ABCA8: variants seen among roughly 807,000 people sequenced by gnomAD.
ABCA8 encodes the protein ABC-type organic anion transporter ABCA8.
A neutral mutation model predicts 192.3 loss-of-function variants in ABCA8; 177 were observed. That is an observed-to-expected ratio of 0.92 (90% CI 0.81 to 1.04). The LOEUF is 1.04. Ranked by LOEUF, ABCA8 falls within the 50% of genes least tolerant of loss-of-function variation. ABCA8 has a pLI of 0.00. For synonymous variants in ABCA8, 642 were observed against 690.2 expected (o/e 0.93, Z 1.09); for missense variants, 1,915 against 1,904.8 (o/e 1.01, Z -0.10).
chr17:68,932,674 C>T (rs3744498), intron 6 of ABCA8, among the ~76,000 whole-genome samples, 160 bp from the exon 7 acceptor site: 89,376 of 152,014 alleles, frequency 0.59, 27,054 homozygotes, highest in African/African-American at 0.71. Context: ...GCTGGGACCT[C>T]GGAGTCCAGG....
At chr17:68,932,979 C>T (rs910315707) in intron 6 of ABCA8, among the ~76,000 whole-genome samples, 189 bp downstream of exon 6, 8 of 152,090 alleles carry the variant, frequency 5.3e-5, no homozygotes, top group Non-Finnish European at 1.2e-4. Flanking sequence ...AAGTTGAGTC[C>T]ATGAATGAGA....
chr17:68,871,726 T>C (rs1239657903), intron 37 of ABCA8, among the ~76,000 whole-genome samples: 1 of 152,214 alleles, frequency 6.6e-6, no homozygotes, highest in Admixed American at 6.5e-5. Flanking sequence ...TGAAAAATTC[T>C]ATTGCTTAGA....
chr17:68,939,927 T>C (rs559390673), intron 4 of ABCA8, among the ~76,000 whole-genome samples: 1 of 152,274 alleles, frequency 6.6e-6, no homozygotes, highest in Admixed American at 6.5e-5. Flanking sequence ...ATTTTGCGTT[T>C]GCTAATAATA....
chr17:68,907,912 T>C (rs1268626733), intron 17 of ABCA8, 33 bp from the exon 18 acceptor site: 2 of 1,534,268 alleles, frequency 1.3e-6, no homozygotes, highest in Non-Finnish European at 8.7e-7. Context: ...AAGACATATG[T>C]TACTCGACAT....
intron 21 of ABCA8, among the ~76,000 whole-genome samples, chr17:68,899,794 C>T (rs1465433332): frequency 1.3e-5 from 2 of 152,010 alleles, no homozygotes; most frequent in Admixed American, 1.3e-4. Flanking sequence ...AATTCAACAA[C>T]AAAAACTTAG....
chr17:68,886,745 T>C, intron 26 of ABCA8: 1 of 186,210 alleles, frequency 5.4e-6, no homozygotes, highest in Non-Finnish European at 1.1e-5. Context: ...CCTTTTGGCA[T>C]CCTGAAATCA....
At chr17:68,943,273 T>C (rs2068283197) in intron 2 of ABCA8, among the ~76,000 whole-genome samples, 1 of 152,212 alleles carries the variant, frequency 6.6e-6, no homozygotes, top group Non-Finnish European at 1.5e-5. Context: ...ATTTATTGTT[T>C]CCATCTTTAA....
chr17:68,921,576 G>C, intron 12 of ABCA8, 84 bp from the exon 13 acceptor site: 1 of 746,300 alleles, frequency 1.3e-6, no homozygotes, highest in Non-Finnish European at 2.2e-6. Context: ...CCATTATGGA[G>C]CCAATGAATT....
chr17:68,941,234 T>C lies in ABCA8; in HGVS notation c.97-272A>G, dbSNP rs115375406. On this transcript the variant is annotated intron_variant, in intron 3 of 39. Coordinates refer to ENST00000586539, the MANE Select transcript of ABCA8 (RefSeq NM_001288985.2). ...TGTAAGGGCATTCTGATAATTCTAA[T>C]AATAAGATAGTATCGGAGGGATAGT... Among the ~76,000 whole-genome samples the C allele has an allele frequency of 3.2e-3, 479 of 151,842 alleles. 3 individuals carry two copies. The highest frequency in any genetic ancestry group is 0.011 in the African/African-American group (464 of 41,162).
chr17:68,931,785 T>TTTTTTC (rs1276844094), intron 7 of ABCA8: 5 of 141,246 alleles, frequency 3.5e-5, no homozygotes, highest in Admixed American at 6.9e-5. Flanking sequence ...TTTTTTTTTT[T>TTTTTTC]TGTCCATCAC....
chr17:68,935,570 T>TATATATATATATATATATATATATATA (rs1389554406), intron 5 of ABCA8, among the ~76,000 whole-genome samples: 1 of 48,396 alleles, frequency 2.1e-5, no homozygotes, highest in Non-Finnish European at 4.4e-5. Context: ...ATATATATAT[T>TATATATATATATATATATATATATATA]ATCTTCTTTA....
At chr17:68,905,778 A>T (rs769548833) in intron 19 of ABCA8, among the ~76,000 whole-genome samples, 3 of 152,130 alleles carry the variant, frequency 2.0e-5, no homozygotes, top group Non-Finnish European at 4.4e-5. Context: ...TTCATGTTTT[A>T]TATTAATTTA....
intron 21 of ABCA8, among the ~76,000 whole-genome samples, chr17:68,897,325 A>T (rs2066791790): frequency 6.6e-6 from 1 of 152,228 alleles, no homozygotes; most frequent in Admixed American, 6.5e-5. Context: ...TCAGAGTTGT[A>T]TAAAGCAGGG....
chr17:68,888,388 A>C (rs1005034134), intron 24 of ABCA8, among the ~76,000 whole-genome samples: 3 of 152,162 alleles, frequency 2.0e-5, no homozygotes, highest in African/African-American at 7.2e-5. Flanking sequence ...TCTTTTAAAA[A>C]ATACTTAAAT....
intron 17 of ABCA8, among the ~76,000 whole-genome samples, chr17:68,912,875 T>C (rs2067258073): frequency 1.3e-5 from 2 of 152,148 alleles, no homozygotes; most frequent in Admixed American, 6.6e-5. Context: ...AACATTGGAC[T>C]TAATGTGCAC....
intron 12 of ABCA8, among the ~76,000 whole-genome samples, chr17:68,921,741 T>C (rs1313990485): frequency 6.6e-6 from 1 of 152,224 alleles, no homozygotes; most frequent in African/African-American, 2.4e-5. Context: ...GAATGAAACA[T>C]ATCTATATAA....
intron 37 of ABCA8, 56 bp from the exon 38 acceptor site, chr17:68,869,835 A>ATC: frequency 8.0e-6 from 9 of 1,127,680 alleles, no homozygotes; most frequent in South Asian, 1.3e-5. Flanking sequence ...ATGTGAACTG[A>ATC]TGGCAATCAT....
chr17:68,871,425 C>T (rs562939082), intron 37 of ABCA8, among the ~76,000 whole-genome samples: 1 of 152,272 alleles, frequency 6.6e-6, no homozygotes, highest in African/African-American at 2.4e-5. Context: ...AGGGGACACT[C>T]AAACGATAGC....
Position 68,881,991 on chromosome 17 carries a change from CAAG to C in ABCA8, c.3829-14_3829-12del, listed in dbSNP as rs1285511776. 2.5e-6 allele frequency: 4 copies of C among 1,606,932 alleles called. No homozygotes were observed. The South Asian group carries it at 3.3e-5, about 13-fold the overall frequency. The stretch of plus-strand genomic sequence containing the variant: ...AATGATGACTGGCTTCTGTAAATGA[CAAG>C]AAGTTATTATGTCAGACCTTAATTC... On this transcript the variant is annotated splice_polypyrimidine_tract_variant and intron_variant, in intron 30 of 39. Coordinates refer to ENST00000586539, the MANE Select transcript of ABCA8 (RefSeq NM_001288985.2).
Sources: gnomAD v4.1 joint callset for allele counts (sites outside exome capture counted in the v4.1 genomes callset) on GRCh38, gnomAD v4.1.1 for gene constraint, MANE v1.5 for transcripts, NCBI Gene and HGNC (gene_info 2026-07-23, HGNC 2026-07-21) for gene names.